USP30: variants seen among roughly 807,000 people sequenced by gnomAD.
The protein encoded by USP30 is ubiquitin carboxyl-terminal hydrolase 30.
A neutral mutation model predicts 68.2 loss-of-function variants in USP30; 41 were observed. The observed-to-expected ratio is 0.60, with a 90% CI of 0.47 to 0.78. USP30 has a LOEUF of 0.78. Among genes scored for constraint, USP30 ranks in the 30% least tolerant of loss-of-function variants. The pLI is 0.00. For synonymous variants in USP30, 229 were observed against 253.7 expected (o/e 0.90, Z 0.93); for missense variants, 522 against 649.4 (o/e 0.80, Z 2.13).
chr12:109,030,194 G>A (rs939953317), intron 3 of USP30, among the ~76,000 whole-genome samples: 1 of 152,126 alleles, frequency 6.6e-6, no homozygotes, highest in Non-Finnish European at 1.5e-5. Flanking sequence ...TTTGGAGTCA[G>A]ACACACTCAG....
chr12:109,065,795 G>A (rs1454966308), intron 3 of USP30, among the ~76,000 whole-genome samples: 1 of 152,226 alleles, frequency 6.6e-6, no homozygotes, highest in Non-Finnish European at 1.5e-5. Flanking sequence ...CCATGCGCCA[G>A]AGAAGAAAAG....
chr12:109,079,376 T>TTTTTTTTTTTTG, intron 7 of USP30, among the ~76,000 whole-genome samples: 1 of 136,872 alleles, frequency 7.3e-6, no homozygotes, highest in Non-Finnish European at 1.6e-5. Context: ...TTTTTTTTTT[T>TTTTTTTTTTTTG]TTTGTGACAG....
In USP30 at chr12:109,073,019, C is replaced by T. The variant is rs186179373; in HGVS notation, c.626-419C>T. Among the ~76,000 whole-genome samples the T allele has an allele frequency of 3.9e-5, 6 of 152,302 alleles. No individual in the cohort carries two copies. In the East Asian group the frequency reaches 1.2e-3, roughly 29 times the overall value. ...CCAGGTTTCTCACTTATGTTCTTTC[C>T]ATTAAACCCCATTCTAGCCAAAGAA... On this transcript the variant is annotated intron_variant, in intron 6 of 12. Coordinates refer to ENST00000257548, the MANE Select transcript of USP30 (RefSeq NM_032663.5).
chr12:109,047,727 T>C (rs2135681141), upstream of USP30: 1 of 152,326 alleles, frequency 6.6e-6, no homozygotes, highest in African/African-American at 2.4e-5. Flanking sequence ...AAGTGTGGCA[T>C]TTAAAGAGAG....
chr12:109,023,980 C>T (rs2040426206), intron 1 of USP30, among the ~76,000 whole-genome samples: 1 of 151,816 alleles, frequency 6.6e-6, no homozygotes, highest in Admixed American at 6.6e-5. Context: ...CAAGTTCCTT[C>T]AAAGGAAAAA....
rs2040704442 is a variant in USP30, at chr12:109,052,747, C to A, written c.69C>A (p.Thr23=). ...GGGCCATCCAGCGCTTCCTGCGGAC[C>A]GGGGCGGCCGTCAGGTGAGATTTTG... is the stretch of plus-strand genomic sequence containing the variant. ...ADRAIQRFLR[T]GAAVRYKVMK... Residue 23 remains threonine, a synonymous_variant, in exon 1 of 13, where the codon ACC becomes ACA. Coordinates refer to ENST00000257548, the MANE Select transcript of USP30 (RefSeq NM_032663.5). The A allele has an allele frequency of 6.9e-7, 1 of 1,454,454 alleles. No individual in the cohort carries two copies. Among genetic ancestry groups the A allele is most frequent in the Admixed American group, 2.7e-5 (1 of 37,050 alleles). 90.1% of individuals were successfully genotyped at this position (1,454,454 alleles called of 1,614,324 possible).
At chr12:109,074,577 G>T (rs2041539261) in intron 7 of USP30, among the ~76,000 whole-genome samples, 1 of 152,116 alleles carries the variant, frequency 6.6e-6, no homozygotes, top group Non-Finnish European at 1.5e-5. Flanking sequence ...TAACATTGAG[G>T]TTCTAGCCAT....
Position 109,087,634 on chromosome 12 carries a change from G to A in USP30, c.*1703G>A, listed in dbSNP as rs1059257. 22,103 of 152,290 alleles carry A rather than the reference G, an allele frequency of 0.15. 1,754 individuals carry two copies. Among genetic ancestry groups the A allele is most frequent in the Middle Eastern group, 0.23 (69 of 294 alleles). 9.4% of individuals were successfully genotyped at this position (152,290 alleles called of 1,614,324 possible). On this transcript the variant is annotated 3_prime_UTR_variant, in exon 13 of 13. Coordinates refer to ENST00000257548, the MANE Select transcript of USP30 (RefSeq NM_032663.5). The stretch of plus-strand genomic sequence containing the variant: ...CCTTAAAGTGTACTGCAAAGCTGTA[G>A]CTTTAAGTAATTGCTGTTCTGCCAC...
Position 109,039,649 on chromosome 12 carries a change from T to C in USP30, c.-135-7941T>C, listed in dbSNP as rs1290621810. ...TTTTTTGAGATGGAATCTCACCCTGTCACCAGGCTGTAGTTCAGTGGCACG... is the reference window on the plus strand; with the variant it reads ...TTTTTTGAGATGGAATCTCACCCTGCCACCAGGCTGTAGTTCAGTGGCACG... On this transcript the variant is annotated intron_variant, in intron 3 of 15. Transcript: ENST00000392784. Among the ~76,000 whole-genome samples, 3 of 152,042 alleles carry C rather than the reference T, an allele frequency of 2.0e-5. No individual in the cohort carries two copies. In the East Asian group the frequency reaches 5.8e-4, roughly 29 times the overall value.
chr12:109,086,063 C>A lies in USP30; in HGVS notation c.*132C>A. ...CCTTCTGGTGTGTTCTAAGAGCAGG[C>A]TCCACCTGGGAGCCAGCCCCAGTTC... On this transcript the variant is annotated 3_prime_UTR_variant, in exon 13 of 13. Coordinates refer to ENST00000257548, the MANE Select transcript of USP30 (RefSeq NM_032663.5). 7.3e-7 allele frequency: 1 copy of A among 1,364,486 alleles called. No homozygotes were observed. The highest frequency in any genetic ancestry group is 9.7e-7 in the Non-Finnish European group (1 of 1,030,276). The allele number at this position is 1,364,486 out of a possible 1,614,324, so 84.5% of individuals were successfully genotyped here. A position where few individuals can be genotyped will look rare whatever the true frequency, so the allele number is the denominator to read the frequency against.
At chr12:109,061,445 G>A in intron 3 of USP30, among the ~76,000 whole-genome samples, 1 of 147,950 alleles carries the variant, frequency 6.8e-6, no homozygotes, top group East Asian at 2.0e-4. Context: ...TCTTCTGTCT[G>A]TCGCCCAGGC....
chr12:109,026,678 G>C (rs1440484912), intron 2 of USP30, among the ~76,000 whole-genome samples: 1 of 151,792 alleles, frequency 6.6e-6, no homozygotes, highest in Non-Finnish European at 1.5e-5. Flanking sequence ...ATGTTGCCCA[G>C]GCTGGTCTCA....
chr12:109,036,340 A>C (rs2040520072), intron 3 of USP30, among the ~76,000 whole-genome samples: 1 of 146,028 alleles, frequency 6.8e-6, no homozygotes, highest in South Asian at 2.1e-4. Context: ...TCACCCTTTC[A>C]CCCAGGCTGG....
intron 11 of USP30, among the ~76,000 whole-genome samples, 167 bp downstream of exon 11, chr12:109,083,229 G>C (rs2041855847): frequency 6.6e-6 from 1 of 152,218 alleles, no homozygotes; most frequent in South Asian, 2.1e-4. Flanking sequence ...AGATTTCTTA[G>C]AAGAGGTTAA....
intron 3 of USP30, among the ~76,000 whole-genome samples, chr12:109,039,425 T>C (rs570668131): frequency 3.2e-4 from 48 of 152,312 alleles, no homozygotes; most frequent in Non-Finnish European, 6.5e-4. Context: ...TTCTAGTCAT[T>C]TGACCTTAGA....
At chr12:109,044,347 A>G (rs1239490640) in intron 3 of USP30, among the ~76,000 whole-genome samples, 1 of 152,220 alleles carries the variant, frequency 6.6e-6, no homozygotes, top group East Asian at 1.9e-4. Flanking sequence ...TGCACACTTA[A>G]GAATGGTTGT....
chr12:109,045,509 C>T (rs1019679428), intron 3 of USP30, among the ~76,000 whole-genome samples: 3 of 152,134 alleles, frequency 2.0e-5, no homozygotes, highest in Non-Finnish European at 4.4e-5. Flanking sequence ...CAGCTTAAGA[C>T]ACAGGCCTTA....
At chr12:109,053,691 A>G (rs2040747473) in intron 1 of USP30, 1 of 221,936 alleles carries the variant, frequency 4.5e-6, no homozygotes, top group South Asian at 5.7e-5. Flanking sequence ...CTGACCTCAT[A>G]GCAGAGTTGG....
At chr12:109,043,379 G>A (rs1326561963) in intron 3 of USP30, among the ~76,000 whole-genome samples, 1 of 152,112 alleles carries the variant, frequency 6.6e-6, no homozygotes, top group Non-Finnish European at 1.5e-5. Context: ...GTATGATACT[G>A]GCATAAGATA....
Sources: gnomAD v4.1 joint callset for allele counts (sites outside exome capture counted in the v4.1 genomes callset) on GRCh38, gnomAD v4.1.1 for gene constraint, MANE v1.5 for transcripts, NCBI Gene and HGNC (gene_info 2026-07-23, HGNC 2026-07-21) for gene names.